Variants in CELSR3 observed in about 807,000 individuals in gnomAD.
CELSR3 encodes cadherin EGF LAG seven-pass G-type receptor 3, also known as EGF-like protein 1.
A neutral mutation model predicts 270.0 loss-of-function variants in CELSR3; 73 were observed. The observed-to-expected ratio is 0.27, with a 90% CI of 0.22 to 0.33. The LOEUF (loss-of-function observed/expected upper bound fraction) is 0.33. CELSR3 is among the 10% of genes least tolerant of loss of function. The pLI, the probability that CELSR3 is intolerant of heterozygous loss-of-function variation, is 1.00. For synonymous variants in CELSR3, 1,780 were observed against 1,905.4 expected, an observed-to-expected ratio of 0.93 and a Z score of 1.71; for missense variants, 3,614 against 4,533.8, an observed-to-expected ratio of 0.80 and a Z score of 5.83.
rs778059043 is a variant in CELSR3 at position 48,639,874 on chromosome 3, G to T, written c.9711C>A (p.Gly3237=). The T allele has an allele frequency of 6.2e-7, 1 of 1,613,496 alleles. No homozygotes were observed. The highest frequency in any genetic ancestry group is 1.1e-5 in the South Asian group (1 of 91,086). The change falls in exon 34 of 35, where the codon GGC becomes GGA. Residue 3237 remains glycine (G), a synonymous_variant. Transcript: ENST00000164024. The surrounding 1 kb of genome is among the most constrained non-coding windows in gnomAD (Gnocchi z 4.1). ...REDSVSGPSH[G]PSTEQLDILS... Reference sequence around the variant, plus strand: ...GAATGTCCAACTGTTCTGTGGAGGGGCCATGGCTGGGGCCACTGACCGAGT... The same window carrying T: ...GAATGTCCAACTGTTCTGTGGAGGGTCCATGGCTGGGGCCACTGACCGAGT...
Position 48,648,023 on chromosome 3 carries a change from C to T in CELSR3, c.6974-27G>A, listed in dbSNP as rs370168017. On this transcript the variant is annotated intron_variant, in intron 19 of 34. Coordinates refer to ENST00000164024, the MANE Select transcript of CELSR3 (RefSeq NM_001407.3). ...TACCCAGGAGAAAGAAAGGGGAGGCCCATCATGGACCTCTTCCCCCTGCCA... is the reference window on the plus strand; with the variant it reads ...TACCCAGGAGAAAGAAAGGGGAGGCTCATCATGGACCTCTTCCCCCTGCCA... 107 of 1,608,878 alleles carry T rather than the reference C, an allele frequency of 6.7e-5. 1 individual carries two copies. In the African/African-American group the frequency reaches 1.2e-3, roughly 17 times the overall value.
rs1322086607 is a variant in CELSR3 at position 48,660,439 on chromosome 3, G to A, written c.2196C>T (p.Gly732=). ...TGGCTGAGGCAGAGAGTGGGGGTGAGCCATGGTCTCGAGCCTCCACACCAA... is the reference window on the plus strand; with the variant it reads ...TGGCTGAGGCAGAGAGTGGGGGTGAACCATGGTCTCGAGCCTCCACACCAA... ...YFFGVEARDH[G]SPPLSASASV... Residue 732 remains glycine, a synonymous_variant, in exon 1 of 35, where the codon GGC becomes GGT. Coordinates refer to ENST00000164024, the MANE Select transcript of CELSR3 (RefSeq NM_001407.3). This position sits in a 1 kb window ranked among gnomAD's most constrained non-coding sequence, Gnocchi z 5.5. 6.2e-7 allele frequency: 1 copy of A among 1,614,086 alleles called. No homozygotes were observed. The highest frequency in any genetic ancestry group is 2.2e-5 in the East Asian group (1 of 44,884).
chr3:48,638,827 CCTTT>C (rs932753599), intron 34 of CELSR3, among the ~76,000 whole-genome samples: 17 of 152,096 alleles, frequency 1.1e-4, no homozygotes, highest in African/African-American at 3.4e-4. Flanking sequence ...TTTCCTCCTT[CCTTT>C]GTCCTCTCTC....
Position 48,652,314 on chromosome 3 carries a change from T to C in CELSR3, c.5751+123A>G. ...AGAAAGGCTTGACCTAGCTCTCAAC[T>C]CTGGGTCATTCACCCCCTCGCACCA... On this transcript the variant is annotated intron_variant, in intron 11 of 34. Coordinates refer to ENST00000164024, the MANE Select transcript of CELSR3 (RefSeq NM_001407.3). This position sits in a 1 kb window ranked among gnomAD's most constrained non-coding sequence, Gnocchi z 4.3. 3 of 855,980 alleles carry C rather than the reference T, an allele frequency of 3.5e-6. No homozygotes were observed. The highest frequency in any genetic ancestry group is 1.5e-5 in the South Asian group (1 of 67,656). The allele number at this position is 855,980 out of a possible 1,614,324, so 53.0% of individuals were successfully genotyped here. A position where few individuals can be genotyped will look rare whatever the true frequency, so the allele number is the denominator to read the frequency against.
Position 48,642,974 on chromosome 3 carries a change from G to C in CELSR3, c.8399C>G (p.Pro2800Arg). ...GCCCCCATCCCGACTCACCAGCCCA[G>C]GTGCTGGCCTTGCCTCCTCAGGCGC... ...KAAPEEARPA[P>R]GLGPGAYNNT... The change falls in exon 29 of 35, where the codon CCT becomes CGT. Residue 2800 changes from proline to arginine, a missense_variant. Pro to Arg is a moderately radical substitution (Grantham distance 103, BLOSUM62 -2). Around this residue, in one of 7 missense-constraint regions of CELSR3, gnomAD observed 1,240 missense variants for 1,351.7 expected, o/e 0.92. Transcript: ENST00000164024. This position sits in a 1 kb window ranked among gnomAD's most constrained non-coding sequence, Gnocchi z 6.1. 6.2e-7 allele frequency: 1 copy of C among 1,611,774 alleles called. No individual in the cohort carries two copies. Among genetic ancestry groups the C allele is most frequent in the African/African-American group, 1.3e-5 (1 of 75,028 alleles).
chr3:48,660,300 T>C lies in CELSR3; in HGVS notation c.2335A>G (p.Thr779Ala), dbSNP rs1464666094. 3 of 1,614,062 alleles carry C rather than the reference T, an allele frequency of 1.9e-6. No individual in the cohort carries two copies. The highest frequency in any genetic ancestry group is 2.5e-6 in the Non-Finnish European group (3 of 1,180,042). Reference sequence around the variant, plus strand: ...CTGTTGGCATCACGGTCTACTGCGGTCACGCTGACCACACTGGTGCCCACA... The same window carrying C: ...CTGTTGGCATCACGGTCTACTGCGGCCACGCTGACCACACTGGTGCCCACA... Reference protein sequence around the residue: ...AAVGTSVVSVTAVDRDANSAI... With the variant: ...AAVGTSVVSVAAVDRDANSAI... Residue 779 changes from threonine (T) to alanine (A), a missense_variant, in exon 1 of 35, where the codon ACC (threonine) becomes GCC (alanine). By Grantham distance (58) the Thr-to-Ala change is moderately conservative. Coordinates refer to ENST00000164024, the MANE Select transcript of CELSR3 (RefSeq NM_001407.3). The surrounding 1 kb of genome is among the most constrained non-coding windows in gnomAD (Gnocchi z 5.5).
chr3:48,660,600 C>T lies in CELSR3; in HGVS notation c.2035G>A (p.Asp679Asn). The T allele has an allele frequency of 6.2e-7, 1 of 1,614,214 alleles. No homozygotes were observed. Among genetic ancestry groups the T allele is most frequent in the Non-Finnish European group, 8.5e-7 (1 of 1,180,042 alleles). The change falls in exon 1 of 35, where the codon GAC becomes AAC. Residue 679 changes from aspartate to asparagine, a missense_variant. This residue lies in a region of CELSR3 where 354 missense variants were observed against 500.9 expected (regional missense o/e 0.71). Transcript: ENST00000164024. This position sits in a 1 kb window ranked among gnomAD's most constrained non-coding sequence, Gnocchi z 5.5. ...SVIHIQAVDA[D>N]HGENARLEYS... ...TCCAATCTGGCATTCTCCCCATGGT[C>T]TGCATCGACTGCCTGAATGTGGATG...
chr3:48,645,784 C>T lies in CELSR3; in HGVS notation c.7548G>A (p.Arg2516=). ...CCATGAGGACCCCAAAGGTCCCTGT[C>T]CGGCTGCAGCGACACCGTGCGTGGG... ...NGSHARCRCS[R]TGTFGVLMDA... The change falls in exon 23 of 35, where the codon CGG becomes CGA. Residue 2516 remains arginine (R), a synonymous_variant. Coordinates refer to ENST00000164024, the MANE Select transcript of CELSR3 (RefSeq NM_001407.3). The surrounding 1 kb of genome is among the most constrained non-coding windows in gnomAD (Gnocchi z 5.4). 3.1e-6 allele frequency: 5 copies of T among 1,611,994 alleles called. No homozygotes were observed. The highest frequency in any genetic ancestry group is 4.2e-6 in the Non-Finnish European group (5 of 1,179,390).
At position 48,650,905 on chromosome 3, in the gene CELSR3, G is replaced by A. The variant is rs750028194; in HGVS notation, c.6357C>T (p.Ala2119=). ...GAGCCTGCTCACCCCGGCAGCCGCT[G>A]GCTGTCACCTCTGCGAAGGGACTGT... The part of the protein sequence containing the change: ...SCDSPFAEVT[A]SGCRVLYDAC... Residue 2119 remains alanine (A), a synonymous_variant, in exon 15 of 35, where the codon GCC becomes GCT. Transcript: ENST00000164024. The surrounding 1 kb of genome is among the most constrained non-coding windows in gnomAD (Gnocchi z 5.1). The A allele has an allele frequency of 2.6e-5, 42 of 1,610,570 alleles. No individual in the cohort carries two copies. Among genetic ancestry groups the A allele is most frequent in the Non-Finnish European group, 3.4e-5 (40 of 1,179,700 alleles).
At position 48,660,909 on chromosome 3, in the gene CELSR3, C is replaced by A; in HGVS notation, c.1726G>T (p.Ala576Ser). The change falls in exon 1 of 35, where the codon GCC becomes TCC. Residue 576 changes from alanine to serine, a missense_variant. This residue lies in a region of CELSR3 where 354 missense variants were observed against 500.9 expected (regional missense o/e 0.71). Transcript: ENST00000164024. The surrounding 1 kb of genome is among the most constrained non-coding windows in gnomAD (Gnocchi z 5.5). The stretch of plus-strand genomic sequence containing the variant: ...ATGTTGTAGTGCACCAATCCGTTGG[C>A]GTCCTTGTCCCGGTCAGTGGCCGTG... ...RVTATDRDKD[A>S]NGLVHYNIIS... is the part of the protein sequence containing the mutation. 6.2e-7 allele frequency: 1 copy of A among 1,613,944 alleles called. No homozygotes were observed. Among genetic ancestry groups the A allele is most frequent in the Non-Finnish European group, 8.5e-7 (1 of 1,180,042 alleles).
Position 48,639,989 on chromosome 3 carries a change from T to C in CELSR3, c.9596A>G (p.Asn3199Ser). Residue 3199 changes from asparagine to serine, a missense_variant, in exon 34 of 35, where the codon AAC becomes AGC. By Grantham distance (46) the Asn-to-Ser change is conservative (BLOSUM62 1). Transcript: ENST00000164024. The surrounding 1 kb of genome is among the most constrained non-coding windows in gnomAD (Gnocchi z 4.1). ...RPLDSLSRSS[N>S]SREQLDQVPS... ...CACCTGGTCCAGCTGCTCCCGAGAGTTCGAGCTCCTAGACAGAGAGTCCAG... is the reference window on the plus strand; with the variant it reads ...CACCTGGTCCAGCTGCTCCCGAGAGCTCGAGCTCCTAGACAGAGAGTCCAG... 1 of 1,612,190 alleles carries C rather than the reference T, an allele frequency of 6.2e-7. No individual in the cohort carries two copies. Among genetic ancestry groups the C allele is most frequent in the Non-Finnish European group, 8.5e-7 (1 of 1,179,868 alleles).
At position 48,662,739 on chromosome 3, in the gene CELSR3, C is replaced by T. The variant is rs2077079690; in HGVS notation, c.-105G>A. On this transcript the variant is annotated 5_prime_UTR_variant, in exon 1 of 35. Coordinates refer to ENST00000164024, the MANE Select transcript of CELSR3 (RefSeq NM_001407.3). This position sits in a 1 kb window ranked among gnomAD's most constrained non-coding sequence, Gnocchi z 7.1. ...CCGGGCCCCTGCCGCCGCCCCGGGC[C>T]CCCGCCCCTCCGCCTGTCTCTCCGC... 2.7e-6 allele frequency: 1 copy of T among 374,792 alleles called. No homozygotes were observed. Among genetic ancestry groups the T allele is most frequent in the South Asian group, 1.2e-4 (1 of 8,250 alleles). 23.2% of individuals were successfully genotyped at this position (374,792 alleles called of 1,614,324 possible).
intron 19 of CELSR3, 28 bp downstream of exon 19, chr3:48,648,238 G>GGCCCCCCCCAAA: frequency 7.4e-7 from 1 of 1,342,630 alleles, no homozygotes; most frequent in Non-Finnish European, 1.1e-6. Context: ...CCCCTGCTGT[G>GGCCCCCCCCAAA]CCCCGCCCTA....
In CELSR3 at chr3:48,660,239, C is replaced by A; in HGVS notation, c.2396G>T (p.Arg799Leu). 6.2e-7 allele frequency: 1 copy of A among 1,614,094 alleles called. No individual in the cohort carries two copies. Among genetic ancestry groups the A allele is most frequent in the Non-Finnish European group, 8.5e-7 (1 of 1,180,038 alleles). Residue 799 changes from arginine to leucine, a missense_variant, in exon 1 of 35, where the codon CGG becomes CTG. By Grantham distance (102) the Arg-to-Leu change is moderately radical (BLOSUM62 -2). This residue lies in a region of CELSR3 where 215 missense variants were observed against 241.2 expected (regional missense o/e 0.89). Transcript: ENST00000164024. This position sits in a 1 kb window ranked among gnomAD's most constrained non-coding sequence, Gnocchi z 5.5. Reference sequence around the variant, plus strand: ...CTGGGTGCTGATGGCAAAGCGATTCCGGGTGTTGCCGCCTGTGATCTGGTA... The same window carrying A: ...CTGGGTGCTGATGGCAAAGCGATTCAGGGTGTTGCCGCCTGTGATCTGGTA... ...ISYQITGGNT[R>L]NRFAISTQGG...
chr3:48,651,634 G>T lies in CELSR3; in HGVS notation c.6008C>A (p.Pro2003His). 2 of 1,591,760 alleles carry T rather than the reference G, an allele frequency of 1.3e-6. No homozygotes were observed. The highest frequency in any genetic ancestry group is 1.7e-6 in the Non-Finnish European group (2 of 1,168,732). Reference sequence around the variant, plus strand: ...CACACAGTCACAGGTATAGCCATGGGGGGCTCCTGGCAGGTGCCGGCATGA... The same window carrying T: ...CACACAGTCACAGGTATAGCCATGGTGGGCTCCTGGCAGGTGCCGGCATGA... ...QGSCRHLPGA[P>H]HGYTCDCVGG... The change falls in exon 13 of 35, where the codon CCC (proline) becomes CAC (histidine). Residue 2003 changes from proline to histidine, a missense_variant. This residue lies in a region of CELSR3 where 1,331 missense variants were observed against 1,933.7 expected (regional missense o/e 0.69). Coordinates refer to ENST00000164024, the MANE Select transcript of CELSR3 (RefSeq NM_001407.3). The surrounding 1 kb of genome is among the most constrained non-coding windows in gnomAD (Gnocchi z 7.4).
chr3:48,653,835 G>T lies in CELSR3; in HGVS notation c.5278+43C>A, dbSNP rs1257017533. The T allele has an allele frequency of 2.5e-6, 4 of 1,612,244 alleles. No homozygotes were observed. The East Asian group carries it at 6.7e-5, about 27-fold the overall frequency. On this transcript the variant is annotated intron_variant, in intron 8 of 34. Coordinates refer to ENST00000164024, the MANE Select transcript of CELSR3 (RefSeq NM_001407.3). This position sits in a 1 kb window ranked among gnomAD's most constrained non-coding sequence, Gnocchi z 6.5. ...GGTTACAGCCCCTGCCCCAGGAACA[G>T]ATCTGACCCTGCAGGCCCCTCTGCC...
Position 48,659,080 on chromosome 3 carries a change from G to T in CELSR3, c.3555C>A (p.Asp1185Glu). 1 of 1,614,234 alleles carries T rather than the reference G, an allele frequency of 6.2e-7. No individual in the cohort carries two copies. The highest frequency in any genetic ancestry group is 8.5e-7 in the Non-Finnish European group (1 of 1,180,044). ...LFNNYVSNRS[D>E]TFPSGIIGRI... The stretch of plus-strand genomic sequence containing the variant: ...GCCCAATAATGCCCGACGGGAAGGT[G>T]TCTGAACGGTTGGATACATAGTTGT... Residue 1185 changes from aspartate (D) to glutamate (E), a missense_variant, in exon 1 of 35, where the codon GAC becomes GAA. By Grantham distance (45) the Asp-to-Glu change is conservative (BLOSUM62 2). Transcript: ENST00000164024. This position sits in a 1 kb window ranked among gnomAD's most constrained non-coding sequence, Gnocchi z 8.1.
In CELSR3 at chr3:48,638,104, G is replaced by A; in HGVS notation, c.*101C>T. On this transcript the variant is annotated 3_prime_UTR_variant, in exon 35 of 35. Coordinates refer to ENST00000164024, the MANE Select transcript of CELSR3 (RefSeq NM_001407.3). ...GAGCTGGGGCACCCACCACTGGGGA[G>A]CAGGAGGCTGCCTTGGGATCTGCCC... 3.0e-6 allele frequency: 3 copies of A among 1,015,670 alleles called. No homozygotes were observed. Among genetic ancestry groups the A allele is most frequent in the Admixed American group, 1.8e-5 (1 of 56,848 alleles). 62.9% of individuals were successfully genotyped at this position (1,015,670 alleles called of 1,614,324 possible).
rs768367317 is a variant in CELSR3 at position 48,662,550 on chromosome 3, G to T, written c.85C>A (p.Leu29Ile). The T allele has an allele frequency of 6.3e-7, 1 of 1,590,544 alleles. No homozygotes were observed. Among genetic ancestry groups the T allele is most frequent in the South Asian group, 1.1e-5 (1 of 88,944 alleles). Residue 29 changes from leucine (L) to isoleucine (I), a missense_variant, in exon 1 of 35, where the codon CTC becomes ATC. Coordinates refer to ENST00000164024, the MANE Select transcript of CELSR3 (RefSeq NM_001407.3). This position sits in a 1 kb window ranked among gnomAD's most constrained non-coding sequence, Gnocchi z 7.1. ...LLLLLLSLFP[L>I]SQEELGGGGH... ...CCGCCCCCCAGCTCCTCCTGGCTGA[G>T]GGGGAACAAAGAGAGGAGAAGGAGC...
Sources: allele counts gnomAD v4.1 joint callset (sites outside exome capture counted in the v4.1 genomes callset), GRCh38; gene constraint gnomAD v4.1.1; regional missense constraint gnomAD v4.1.1; non-coding constraint Gnocchi (gnomAD v3.1); transcripts MANE v1.5; gene names NCBI Gene and HGNC (gene_info 2026-07-23, HGNC 2026-07-21).